ROBO2: variants seen among roughly 807,000 people sequenced by gnomAD.
The protein encoded by ROBO2 is roundabout guidance receptor 2.
Under a neutral mutation model 160.8 loss-of-function variants are expected in ROBO2, and 53 were observed. The observed-to-expected ratio is 0.33, with a 90% CI of 0.26 to 0.41. The LOEUF (loss-of-function observed/expected upper bound fraction) is 0.41, where lower values mean the gene tolerates loss of function less well. Among genes scored for constraint, ROBO2 ranks in the 10% least tolerant of loss-of-function variants. The pLI, the probability that ROBO2 is intolerant of heterozygous loss-of-function variation, is 1.00. For missense variants in ROBO2, 1,577 were observed against 1,722.4 expected (o/e 0.92, Z 1.49); for synonymous variants, 664 against 611.7 (o/e 1.09, Z -1.26).
At chr3:76,920,588 A>C (rs3883984) in intron 2 of ROBO2, among the ~76,000 whole-genome samples, 1 of 152,128 alleles carries the variant, frequency 6.6e-6, no homozygotes, top group Non-Finnish European at 1.5e-5. Flanking sequence ...CACCAAGCCA[A>C]TGCTTTTTAA....
At chr3:75,912,627 A>G (rs556681445) in intron 1 of ROBO2, among the ~76,000 whole-genome samples, 37 of 152,290 alleles carry the variant, frequency 2.4e-4, no homozygotes, top group African/African-American at 8.4e-4. Context: ...TTTTCCATGA[A>G]AATATTAGCT....
At chr3:76,215,427 A>G (rs1165487857) in intron 2 of ROBO2, among the ~76,000 whole-genome samples, 2 of 152,164 alleles carry the variant, frequency 1.3e-5, no homozygotes, top group Non-Finnish European at 2.9e-5. Context: ...AATTAGACGA[A>G]TGGCTAACTA....
rs544652452 is a variant in ROBO2 at position 76,831,511 on chromosome 3, A to C, written c.110-266503A>C. 9.8e-5 allele frequency among the ~76,000 whole-genome samples: 15 copies of C among 152,308 alleles called. No homozygotes were observed. The East Asian group carries it at 2.9e-3, about 29-fold the overall frequency. On this transcript the variant is annotated intron_variant, in intron 2 of 26. Coordinates refer to the ROBO2 transcript ENST00000487694. The stretch of plus-strand genomic sequence containing the variant: ...TAAAGTGTGTCTTCTAAAGAGAAAA[A>C]ATATGAGGCCATGTTTTTCAGCTCC...
At position 76,520,632 on chromosome 3, in the gene ROBO2, T is replaced by G. The variant is rs369073314; in HGVS notation, c.110-577382T>G. ...AGGTCCAAATCAATAATGTGACCAA[T>G]CTTTTAGTCCTGGTCTATACCACTG... On this transcript the variant is annotated intron_variant, in intron 2 of 26. Transcript: ENST00000487694. 2.9e-4 allele frequency among the ~76,000 whole-genome samples: 44 copies of G among 152,268 alleles called. 2 individuals carry two copies. The highest frequency in any genetic ancestry group is 2.7e-3 in the South Asian group (13 of 4,828).
chr3:76,395,711 A>G (rs1374147886), intron 2 of ROBO2, among the ~76,000 whole-genome samples: 1 of 152,218 alleles, frequency 6.6e-6, no homozygotes, highest in African/African-American at 2.4e-5. Flanking sequence ...CAAACAAACT[A>G]GAAAATCTAG....
At chr3:77,634,727 C>A in intron 23 of ROBO2, 143 bp from the exon 25 acceptor site, 1 of 824,036 alleles carries the variant, frequency 1.2e-6, no homozygotes, top group Non-Finnish European at 2.0e-6. Context: ...ATACATTTTT[C>A]TACAGAGATG....
chr3:76,328,719 G>A (rs1268994775), intron 2 of ROBO2, among the ~76,000 whole-genome samples: 2 of 151,778 alleles, frequency 1.3e-5, no homozygotes, highest in Admixed American at 1.3e-4. Context: ...AATTAGCTGG[G>A]CGTGGTGGCG....
At chr3:76,418,231 TAGAGAGAG>T (rs747531494) in intron 2 of ROBO2, among the ~76,000 whole-genome samples, 12 of 123,908 alleles carry the variant, frequency 9.7e-5, no homozygotes, top group Non-Finnish European at 1.9e-4. Flanking sequence ...GCCAAACAAA[TAGAGAGAG>T]AGAGAGAGAG....
intron 2 of ROBO2, among the ~76,000 whole-genome samples, chr3:77,255,267 A>G (rs146867490): frequency 1.1e-4 from 17 of 152,354 alleles, no homozygotes; most frequent in African/African-American, 4.1e-4. Context: ...ATGTAAAGAA[A>G]AAAGTTGGTA....
chr3:76,253,224 G>A (rs1706146515), intron 2 of ROBO2, among the ~76,000 whole-genome samples: 1 of 151,824 alleles, frequency 6.6e-6, no homozygotes, highest in Non-Finnish European at 1.5e-5. Flanking sequence ...TACATGTTGT[G>A]GCTAAATCTA....
rs771795334 is a variant in ROBO2 at position 77,526,146 on chromosome 3, C to A, written c.934+3244C>A. On this transcript the variant is annotated intron_variant, in intron 6 of 25. Transcript: ENST00000461745. ...AGGCCACATTAGGGTTCCACTAAACCAGGCTTTTCGTACCACTGCTACAAT... is the reference window on the plus strand; with the variant it reads ...AGGCCACATTAGGGTTCCACTAAACAAGGCTTTTCGTACCACTGCTACAAT... Among the ~76,000 whole-genome samples, 100 of 151,436 alleles carry A rather than the reference C, an allele frequency of 6.6e-4. 2 individuals carry two copies. Among genetic ancestry groups the A allele is most frequent in the Non-Finnish European group, 1.3e-4 (9 of 67,614 alleles).
chr3:76,225,860 C>T (rs547786504), intron 2 of ROBO2, among the ~76,000 whole-genome samples: 1 of 152,242 alleles, frequency 6.6e-6, no homozygotes, highest in Admixed American at 6.5e-5. Context: ...TACCAAAAAA[C>T]TCTAAACATT....
chr3:76,957,430 C>T (rs752646568), intron 2 of ROBO2, among the ~76,000 whole-genome samples: 16 of 152,048 alleles, frequency 1.1e-4, no homozygotes, highest in African/African-American at 3.4e-4. Flanking sequence ...TTTAGATTGA[C>T]GCTATCTTAC....
chr3:76,330,120 A>G (rs941362630), intron 2 of ROBO2, among the ~76,000 whole-genome samples: 4 of 152,214 alleles, frequency 2.6e-5, no homozygotes, highest in Non-Finnish European at 4.4e-5. Flanking sequence ...ATGAGGCACC[A>G]TGAGGCAGAA....
intron 4 of ROBO2, among the ~76,000 whole-genome samples, chr3:77,482,861 A>C (rs537906462): frequency 5.9e-5 from 9 of 151,876 alleles, no homozygotes; most frequent in Admixed American, 2.0e-4. Context: ...CTGGAATAGA[A>C]AGAAAAAAAA....
At chr3:76,757,382 G>A (rs1360439858) in intron 2 of ROBO2, among the ~76,000 whole-genome samples, 1 of 151,784 alleles carries the variant, frequency 6.6e-6, no homozygotes, top group Non-Finnish European at 1.5e-5. Context: ...AAAAAGAAGA[G>A]TATATGTAAC....
intron 2 of ROBO2, among the ~76,000 whole-genome samples, chr3:77,395,316 T>C (rs2075166877): frequency 6.6e-6 from 1 of 152,148 alleles, no homozygotes. Flanking sequence ...TTTTCCGCTT[T>C]CCCGGAGGGG....
intron 2 of ROBO2, among the ~76,000 whole-genome samples, chr3:77,138,504 A>G (rs2076453799): frequency 6.6e-6 from 1 of 152,228 alleles, no homozygotes. Flanking sequence ...TATCCAGGTT[A>G]GAATATTTAA....
intron 2 of ROBO2, among the ~76,000 whole-genome samples, chr3:76,059,489 T>C (rs1439474505): frequency 6.6e-6 from 1 of 151,898 alleles, no homozygotes; most frequent in East Asian, 2.0e-4. Flanking sequence ...CCACTTTTTG[T>C]TGGGGTTGTT....
Sources: gnomAD v4.1 joint callset for allele counts (sites outside exome capture counted in the v4.1 genomes callset) on GRCh38, gnomAD v4.1.1 for gene constraint, MANE v1.5 for transcripts, NCBI Gene and HGNC (gene_info 2026-07-23, HGNC 2026-07-21) for gene names.